Variants in GRK5 observed in about 807,000 individuals in gnomAD.
GRK5 encodes the protein g protein-coupled receptor kinase GRK5.
Under a neutral mutation model 78.4 loss-of-function variants are expected in GRK5, and 40 were observed. That is an observed-to-expected ratio of 0.51 (90% confidence interval 0.40 to 0.66). The LOEUF (loss-of-function observed/expected upper bound fraction) is 0.66. Among genes scored for constraint, GRK5 ranks in the 30% least tolerant of loss-of-function variants. The probability of loss-of-function intolerance (pLI) is 0.00; values close to 1 mark genes in which losing one functional copy is unlikely to be tolerated. For missense variants in GRK5, 598 were observed against 759.9 expected (o/e 0.79, Z 2.50); for synonymous variants, 289 against 296.8 (o/e 0.97, Z 0.27).
chr10:119,377,305 T>C (rs1453401559), intron 2 of GRK5, among the ~76,000 whole-genome samples: 2 of 152,180 alleles, frequency 1.3e-5, no homozygotes, highest in Admixed American at 1.3e-4. Context: ...AACCTATACC[T>C]CGGGTTTGCT....
intron 1 of GRK5, among the ~76,000 whole-genome samples, chr10:119,219,167 C>G (rs1275231555): frequency 6.6e-6 from 1 of 152,124 alleles, no homozygotes; most frequent in African/African-American, 2.4e-5. Flanking sequence ...GGATTACAGG[C>G]TTGAGCCACC....
At chr10:119,404,175 T>C (rs1852197454) in intron 4 of GRK5, among the ~76,000 whole-genome samples, 1 of 152,144 alleles carries the variant, frequency 6.6e-6, no homozygotes, top group Non-Finnish European at 1.5e-5. Context: ...TCATCAACAC[T>C]TGCTATTTTC....
intron 2 of GRK5, among the ~76,000 whole-genome samples, chr10:119,365,461 A>G (rs1444771895): frequency 6.6e-6 from 1 of 152,216 alleles, no homozygotes; most frequent in African/African-American, 2.4e-5. Flanking sequence ...GCTATGCTTC[A>G]TGGCGGTTAA....
intron 9 of GRK5, 27 bp from the exon 10 acceptor site, chr10:119,439,704 T>C (rs1852993083): frequency 1.2e-6 from 2 of 1,613,658 alleles, no homozygotes; most frequent in Non-Finnish European, 1.7e-6. Context: ...ATGCCCACAC[T>C]CTGATGCTTG....
At chr10:119,356,694 A>T (rs991895691) in intron 2 of GRK5, among the ~76,000 whole-genome samples, 8 of 152,234 alleles carry the variant, frequency 5.3e-5, no homozygotes, top group Admixed American at 4.6e-4. Flanking sequence ...CCACAAGGAG[A>T]TGCCAAGAAT....
At chr10:119,372,131 C>T (rs761376247) in intron 2 of GRK5, among the ~76,000 whole-genome samples, 1 of 152,202 alleles carries the variant, frequency 6.6e-6, no homozygotes, top group Admixed American at 6.5e-5. Context: ...CAAAATTTCC[C>T]GCTGCTGAAA....
intron 2 of GRK5, among the ~76,000 whole-genome samples, chr10:119,331,336 T>A (rs1421340939): frequency 6.6e-6 from 1 of 152,244 alleles, no homozygotes; most frequent in East Asian, 1.9e-4. Flanking sequence ...AAGGCTGACG[T>A]GAGCCGTGGG....
chr10:119,295,158 C>G (rs1589727796), intron 1 of GRK5, among the ~76,000 whole-genome samples: 1 of 147,062 alleles, frequency 6.8e-6, no homozygotes, highest in African/African-American at 2.5e-5. Context: ...CCACCGCACT[C>G]CAGCCTGGGC....
chr10:119,348,484 C>T (rs1851137360), intron 2 of GRK5, among the ~76,000 whole-genome samples: 1 of 152,218 alleles, frequency 6.6e-6, no homozygotes, highest in African/African-American at 2.4e-5. Flanking sequence ...CCTTGTTCCT[C>T]CTCTCTGGAG....
intron 1 of GRK5, among the ~76,000 whole-genome samples, chr10:119,247,663 T>G (rs1237986985): frequency 6.6e-6 from 1 of 152,248 alleles, no homozygotes; most frequent in Non-Finnish European, 1.5e-5. Context: ...TTGTTTGTTT[T>G]GCCCTCTGGA....
At chr10:119,243,935 C>CATA (rs1441791082) in intron 1 of GRK5, among the ~76,000 whole-genome samples, 3 of 152,212 alleles carry the variant, frequency 2.0e-5, no homozygotes, top group African/African-American at 4.8e-5. Context: ...TATAAAAGAG[C>CATA]ATAATCTGAC....
chr10:119,391,419 A>C (rs1851886313), intron 3 of GRK5, among the ~76,000 whole-genome samples: 1 of 152,240 alleles, frequency 6.6e-6, no homozygotes, highest in Non-Finnish European at 1.5e-5. Context: ...AGGTCCTGGC[A>C]GAAAACAGAT....
chr10:119,343,398 A>G (rs758672784), intron 2 of GRK5, among the ~76,000 whole-genome samples: 1 of 152,186 alleles, frequency 6.6e-6, no homozygotes, highest in Non-Finnish European at 1.5e-5. Context: ...TCGTCCAATC[A>G]CTACAAAGCC....
intron 1 of GRK5, among the ~76,000 whole-genome samples, chr10:119,299,030 G>A (rs1261852544): frequency 2.6e-5 from 4 of 152,198 alleles, no homozygotes; most frequent in Admixed American, 2.6e-4. Context: ...CCTGGGAGAC[G>A]GGGACCAGGC....
At chr10:119,294,296 C>A (rs984462507) in intron 1 of GRK5, among the ~76,000 whole-genome samples, 2 of 152,170 alleles carry the variant, frequency 1.3e-5, no homozygotes, top group Non-Finnish European at 2.9e-5. Flanking sequence ...AGGCCTGATC[C>A]AACCCAGCAG....
chr10:119,274,810 C>T (rs1849641302), intron 1 of GRK5, among the ~76,000 whole-genome samples: 1 of 152,202 alleles, frequency 6.6e-6, no homozygotes, highest in South Asian at 2.1e-4. Context: ...GAAGTCAGCA[C>T]CCAGGGGTTC....
intron 4 of GRK5, among the ~76,000 whole-genome samples, chr10:119,404,116 C>G (rs192639390): frequency 3.9e-5 from 6 of 152,328 alleles, no homozygotes; most frequent in African/African-American, 1.2e-4. Context: ...CTTCAAAGCA[C>G]TGTACCATTT....
chr10:119,444,833 T>C (rs568895258), intron 12 of GRK5, among the ~76,000 whole-genome samples: 1 of 152,282 alleles, frequency 6.6e-6, no homozygotes, highest in African/African-American at 2.4e-5. Flanking sequence ...AGCGTGTGCA[T>C]TGACAACCCA....
In GRK5 at chr10:119,412,053, G is replaced by T. The variant is rs1279368303; in HGVS notation, c.340-11113G>T. ...TTTAGTAGAGACGGGGTTTCATCAT[G>T]TTGGCCAGGCTGGTCTCGAACTCCT... On this transcript the variant is annotated intron_variant, in intron 4 of 15. Transcript: ENST00000392870. The surrounding 1 kb of genome is among the most constrained non-coding windows in gnomAD (Gnocchi z 4.3). 2.0e-5 allele frequency among the ~76,000 whole-genome samples: 3 copies of T among 151,934 alleles called. No homozygotes were observed. Among genetic ancestry groups the T allele is most frequent in the African/African-American group, 7.2e-5 (3 of 41,390 alleles).
Sources: allele counts gnomAD v4.1 joint callset (sites outside exome capture counted in the v4.1 genomes callset), GRCh38; gene constraint gnomAD v4.1.1; non-coding constraint Gnocchi (gnomAD v3.1); transcripts MANE v1.5; gene names NCBI Gene and HGNC (gene_info 2026-07-23, HGNC 2026-07-21).